Variants in NRXN3 observed in about 807,000 individuals in gnomAD.
The protein encoded by NRXN3 is neurexin 3.
Under a neutral mutation model 137.6 loss-of-function variants are expected in NRXN3, and 32 were observed. That is an observed-to-expected ratio of 0.23 (90% confidence interval 0.18 to 0.31). The LOEUF (loss-of-function observed/expected upper bound fraction) is 0.31, where lower values mean the gene tolerates loss of function less well. Ranked by LOEUF, NRXN3 falls within the 10% of genes least tolerant of loss-of-function variation. NRXN3 has a pLI of 1.00. For synonymous variants in NRXN3, 798 were observed against 784.5 expected (o/e 1.02, Z -0.29); for missense variants, 1,574 against 2,062.5 (o/e 0.76, Z 4.59).
At chr14:79,630,503 C>T (rs1330852289) in intron 16 of NRXN3, among the ~76,000 whole-genome samples, 1 of 152,164 alleles carries the variant, frequency 6.6e-6, no homozygotes, top group Non-Finnish European at 1.5e-5. Context: ...AGAGTTTCTT[C>T]TACTTGGGAC....
At chr14:79,152,996 C>T (rs1446087096) in intron 15 of NRXN3, among the ~76,000 whole-genome samples, 1 of 151,882 alleles carries the variant, frequency 6.6e-6, no homozygotes, top group East Asian at 1.9e-4. Context: ...TTTCAGTAAC[C>T]TAAAAATCTA....
At chr14:78,561,163 A>G (rs1341465086) in intron 4 of NRXN3, among the ~76,000 whole-genome samples, 1 of 152,198 alleles carries the variant, frequency 6.6e-6, no homozygotes, top group Non-Finnish European at 1.5e-5. Context: ...GACCATCTCG[A>G]CATGAGTCTT....
intron 15 of NRXN3, among the ~76,000 whole-genome samples, chr14:79,069,309 G>A (rs1363215957): frequency 6.6e-6 from 1 of 152,046 alleles, no homozygotes; most frequent in Non-Finnish European, 1.5e-5. Flanking sequence ...AATTGGCTCA[G>A]TGATATGATT....
chr14:79,834,301 T>C (rs1308009187), intron 20 of NRXN3, among the ~76,000 whole-genome samples: 3 of 152,146 alleles, frequency 2.0e-5, no homozygotes, highest in African/African-American at 7.2e-5. Context: ...TCTTTTCATT[T>C]TCTTACTTCT....
At chr14:78,263,701 AC>A (rs1412526620) in intron 2 of NRXN3, among the ~76,000 whole-genome samples, 2 of 152,114 alleles carry the variant, frequency 1.3e-5, no homozygotes, top group Non-Finnish European at 2.9e-5. Context: ...TTTTACCGAC[AC>A]GGCTTCTACT....
chr14:79,756,409 G>A (rs1200469052), intron 19 of NRXN3, among the ~76,000 whole-genome samples: 2 of 152,072 alleles, frequency 1.3e-5, no homozygotes, highest in Non-Finnish European at 2.9e-5. Flanking sequence ...CTTTTAGAGA[G>A]GATCTTTCTT....
intron 15 of NRXN3, among the ~76,000 whole-genome samples, chr14:79,199,475 C>G (rs1276719723): frequency 2.0e-5 from 3 of 152,172 alleles, no homozygotes; most frequent in African/African-American, 7.2e-5. Flanking sequence ...ACAATGTTCA[C>G]TAACGTAATT....
chr14:79,685,538 C>A (rs1456740744), intron 17 of NRXN3, among the ~76,000 whole-genome samples: 2 of 152,076 alleles, frequency 1.3e-5, no homozygotes, highest in Non-Finnish European at 2.9e-5. Context: ...AGAATTGGTG[C>A]CAGGTTAACC....
At chr14:78,820,157 G>A (rs1405895426) in intron 10 of NRXN3, among the ~76,000 whole-genome samples, 1 of 151,334 alleles carries the variant, frequency 6.6e-6, no homozygotes, top group African/African-American at 2.4e-5. Flanking sequence ...TTCTTGTTTG[G>A]TAACAAGATA....
At chr14:78,498,197 A>G (rs568466243) in intron 4 of NRXN3, among the ~76,000 whole-genome samples, 3 of 152,294 alleles carry the variant, frequency 2.0e-5, no homozygotes, top group African/African-American at 7.2e-5. Flanking sequence ...GTGTCTGTAG[A>G]AGTCCAGTGC....
At chr14:79,192,064 T>C (rs2064418895) in intron 15 of NRXN3, among the ~76,000 whole-genome samples, 1 of 152,100 alleles carries the variant, frequency 6.6e-6, no homozygotes, top group African/African-American at 2.4e-5. Flanking sequence ...AATATTTGTA[T>C]TTTTAGCAGA....
chr14:78,922,708 G>C (rs80297502), intron 10 of NRXN3, among the ~76,000 whole-genome samples: 9,559 of 152,112 alleles, frequency 0.063, 812 homozygotes, highest in East Asian at 0.36. Context: ...AGGTGGAGGG[G>C]AGCAGGGGGA....
chr14:79,565,742 A>G lies in NRXN3; in HGVS notation c.3445-98036A>G, dbSNP rs530243714. Among the ~76,000 whole-genome samples, 9 of 152,200 alleles carry G rather than the reference A, an allele frequency of 5.9e-5. No homozygotes were observed. In the South Asian group the frequency reaches 1.9e-3, roughly 32 times the overall value. ...GAGGGAAAGAGATGTGTCTATTTAC[A>G]GGGAATAAAGCTAAGCACATTGACT... On this transcript the variant is annotated intron_variant, in intron 16 of 20. Coordinates refer to ENST00000335750, the MANE Select transcript of NRXN3 (RefSeq NM_001330195.2).
chr14:79,815,851 C>G (rs921148850), intron 20 of NRXN3, among the ~76,000 whole-genome samples: 1 of 152,080 alleles, frequency 6.6e-6, no homozygotes, highest in East Asian at 1.9e-4. Context: ...CGTCAAGAAC[C>G]TCATAGATAA....
intron 20 of NRXN3, among the ~76,000 whole-genome samples, chr14:79,857,022 G>C (rs1011818350): frequency 2.0e-5 from 3 of 152,126 alleles, no homozygotes; most frequent in African/African-American, 7.2e-5. Context: ...GTATTACTCT[G>C]CTCATAACCC....
chr14:78,557,330 A>C (rs1485183518), intron 4 of NRXN3, among the ~76,000 whole-genome samples: 3 of 151,494 alleles, frequency 2.0e-5, no homozygotes, highest in Non-Finnish European at 4.4e-5. Context: ...CTGGGATCAC[A>C]GGTTCAAGCC....
chr14:78,437,325 T>G (rs1414193012), intron 4 of NRXN3, among the ~76,000 whole-genome samples: 1 of 151,392 alleles, frequency 6.6e-6, no homozygotes, highest in Non-Finnish European at 1.5e-5. Context: ...GGTGGTTTAT[T>G]TTTTTCTTTT....
Position 79,752,249 on chromosome 14 carries a change from A to C in NRXN3, c.4015-52863A>C, listed in dbSNP as rs868866251. 3.3e-5 allele frequency among the ~76,000 whole-genome samples: 5 copies of C among 152,102 alleles called. No individual in the cohort carries two copies. The East Asian group carries it at 5.8e-4, about 18-fold the overall frequency. The stretch of plus-strand genomic sequence containing the variant: ...CTATTGATTATTGCCACAATTTCAG[A>C]TCCTGTTATTGGTCTATTCAGAGAT... On this transcript the variant is annotated intron_variant, in intron 19 of 20. Transcript: ENST00000335750.
intron 14 of NRXN3, among the ~76,000 whole-genome samples, chr14:78,982,963 A>T (rs1357296392): frequency 6.6e-6 from 1 of 152,210 alleles, no homozygotes; most frequent in Non-Finnish European, 1.5e-5. Context: ...CCCAATCAAA[A>T]AATGAGCAAA....
Sources: allele counts gnomAD v4.1 joint callset (sites outside exome capture counted in the v4.1 genomes callset), GRCh38; gene constraint gnomAD v4.1.1; transcripts MANE v1.5; gene names NCBI Gene and HGNC (gene_info 2026-07-23, HGNC 2026-07-21).